Variants in CORO6 observed in about 807,000 individuals in gnomAD.
CORO6 encodes coronin-6.
Under a neutral mutation model 49.0 loss-of-function variants are expected in CORO6, and 43 were observed. The observed-to-expected ratio is 0.88, with a 90% CI of 0.69 to 1.13. CORO6 has a LOEUF of 1.13. CORO6 is among the 50% of genes most tolerant of loss of function. The pLI is 0.00. For missense variants in CORO6, 650 were observed against 647.0 expected (o/e 1.00, Z -0.05); for synonymous variants, 233 against 256.5 (o/e 0.91, Z 0.88).
intron 5 of CORO6, chr17:29,618,038 C>T: frequency 6.7e-7 from 1 of 1,485,274 alleles, no homozygotes; most frequent in Non-Finnish European, 8.9e-7. Context: ...CCCGGCGCGG[C>T]CTGGCCTACC....
At chr17:29,618,202 C>A (rs952004216) in intron 5 of CORO6, 2 of 1,327,698 alleles carry the variant, frequency 1.5e-6, no homozygotes, top group Admixed American at 3.8e-5. Flanking sequence ...AGCGCCCCGG[C>A]GCCAGCCCCG....
At chr17:29,619,453 T>C (rs2035194216) in intron 3 of CORO6, among the ~76,000 whole-genome samples, 198 bp downstream of exon 3, 1 of 151,876 alleles carries the variant, frequency 6.6e-6, no homozygotes, top group Admixed American at 6.5e-5. Context: ...AAGTTGGCCA[T>C]GGCTATAATT....
chr17:29,616,735 C>T lies in CORO6; in HGVS notation c.971G>A (p.Arg324Lys), dbSNP rs1426625483. 1.2e-6 allele frequency: 2 copies of T among 1,613,656 alleles called. No homozygotes were observed. The highest frequency in any genetic ancestry group is 1.3e-5 in the African/African-American group (1 of 74,926). ...PQRGMGFMPKRGLDVSKCEIA... is the reference protein window; with the variant it reads ...PQRGMGFMPKKGLDVSKCEIA... The stretch of plus-strand genomic sequence containing the variant: ...CTCACACTTGCTGACATCCAGTCCC[C>T]TTTTGGGCATGAAACCCATGCCCCG... The change falls in exon 8 of 11, where the codon AGG (arginine) becomes AAG (lysine). Residue 324 changes from arginine (R) to lysine (K), a missense_variant. Transcript: ENST00000388767. This position sits in a 1 kb window ranked among gnomAD's most constrained non-coding sequence, Gnocchi z 5.6.
At chr17:29,617,241 C>A in intron 6 of CORO6, 199 bp from the exon 7 acceptor site, 1 of 1,535,852 alleles carries the variant, frequency 6.5e-7, no homozygotes, top group Non-Finnish European at 8.7e-7. Context: ...TGCACATATA[C>A]CCGCTGCGCG....
chr17:29,619,647 C>T lies in CORO6; in HGVS notation c.321+4G>A. 1 of 1,613,274 alleles carries T rather than the reference C, an allele frequency of 6.2e-7. No homozygotes were observed. Among genetic ancestry groups the T allele is most frequent in the Admixed American group, 1.7e-5 (1 of 60,022 alleles). Reference sequence around the variant, plus strand: ...CTGCCCAGCAGTAGCCACCTGGCTCCTACCATGATGGTGGTGTCGTCTGAG... The same window carrying T: ...CTGCCCAGCAGTAGCCACCTGGCTCTTACCATGATGGTGGTGTCGTCTGAG... On this transcript the variant is annotated splice_donor_region_variant and intron_variant, in intron 3 of 10. Coordinates refer to ENST00000388767, the MANE Select transcript of CORO6 (RefSeq NM_032854.4).
In CORO6 at chr17:29,615,597, C is replaced by T; in HGVS notation, c.*135G>A. 1 of 968,430 alleles carries T rather than the reference C, an allele frequency of 1.0e-6. No homozygotes were observed. The highest frequency in any genetic ancestry group is 1.5e-6 in the Non-Finnish European group (1 of 683,942). The allele number at this position is 968,430 out of a possible 1,614,324, so 60.0% of individuals were successfully genotyped here. ...AAGCTCCAAGAGTTCTGGTCTCCCGCGAGGGGCGGAGTTCCCTCCCCAGTC... is the reference window on the plus strand; with the variant it reads ...AAGCTCCAAGAGTTCTGGTCTCCCGTGAGGGGCGGAGTTCCCTCCCCAGTC... On this transcript the variant is annotated 3_prime_UTR_variant, in exon 11 of 11. Coordinates refer to ENST00000388767, the MANE Select transcript of CORO6 (RefSeq NM_032854.4).
chr17:29,619,296 G>T, intron 3 of CORO6, 107 bp from the exon 4 acceptor site: 1 of 1,374,140 alleles, frequency 7.3e-7, no homozygotes, highest in Non-Finnish European at 1.0e-6. Context: ...TGAGTGGTAA[G>T]GGTCAAATAC....
Position 29,621,029 on chromosome 17 carries a change from T to A in CORO6, c.198+195A>T, listed in dbSNP as rs2035281443. ...AGGTGGGAGGGCTAGGGAGTGGGAG[T>A]AAGCCACCCTGATGTTAGGGTGGGG... On this transcript the variant is annotated intron_variant, in intron 2 of 10. Transcript: ENST00000388767. The surrounding 1 kb of genome is among the most constrained non-coding windows in gnomAD (Gnocchi z 4.2). Among the ~76,000 whole-genome samples the A allele has an allele frequency of 6.6e-6, 1 of 151,390 alleles. No homozygotes were observed. The highest frequency in any genetic ancestry group is 1.5e-5 in the Non-Finnish European group (1 of 67,834).
At position 29,621,005 on chromosome 17, in the gene CORO6, G is replaced by A. The variant is rs769109106; in HGVS notation, c.198+219C>T. ...CTGGGAATGGGGTGGTGCATGGAGAGGTGGGAGGGCTAGGGAGTGGGAGTA... is the reference window on the plus strand; with the variant it reads ...CTGGGAATGGGGTGGTGCATGGAGAAGTGGGAGGGCTAGGGAGTGGGAGTA... On this transcript the variant is annotated intron_variant, in intron 2 of 10. Coordinates refer to ENST00000388767, the MANE Select transcript of CORO6 (RefSeq NM_032854.4). The surrounding 1 kb of genome is among the most constrained non-coding windows in gnomAD (Gnocchi z 4.2). Among the ~76,000 whole-genome samples, 1 of 152,120 alleles carries A rather than the reference G, an allele frequency of 6.6e-6. No homozygotes were observed. The highest frequency in any genetic ancestry group is 6.5e-5 in the Admixed American group (1 of 15,284).
intron 2 of CORO6, among the ~76,000 whole-genome samples, chr17:29,620,915 C>A (rs948830888): frequency 1.3e-5 from 2 of 152,160 alleles, no homozygotes; most frequent in Non-Finnish European, 1.5e-5. Context: ...GTGATGGAAT[C>A]TGGCCAGGCT....
In CORO6 at chr17:29,621,403, G is replaced by C. The variant is rs777497701; in HGVS notation, c.19C>G (p.Arg7Gly). 6.2e-7 allele frequency: 1 copy of C among 1,611,262 alleles called. No homozygotes were observed. The highest frequency in any genetic ancestry group is 1.3e-5 in the African/African-American group (1 of 74,864). ...AACACATGGCGGAACTTGCTTTGCCGAACCACACGTCTGCTCATAGCTGCA... is the reference window on the plus strand; with the variant it reads ...AACACATGGCGGAACTTGCTTTGCCCAACCACACGTCTGCTCATAGCTGCA... MSRRVV[R>G]QSKFRHVFGQ... The change falls in exon 2 of 11, where the codon CGG becomes GGG. Residue 7 changes from arginine to glycine, a missense_variant. Transcript: ENST00000388767. The surrounding 1 kb of genome is among the most constrained non-coding windows in gnomAD (Gnocchi z 4.2).
chr17:29,617,732 C>A lies in CORO6; in HGVS notation c.634-113G>T. ...GGTGTCCGGGGTGGAGGAGCGGATG[C>A]GGGGAAGAGACAAATGGGGCCTAAG... On this transcript the variant is annotated intron_variant, in intron 5 of 10. Transcript: ENST00000388767. 9 of 1,184,480 alleles carry A rather than the reference C, an allele frequency of 7.6e-6. No individual in the cohort carries two copies. In the South Asian group the frequency reaches 1.4e-4, roughly 19 times the overall value. The allele number at this position is 1,184,480 out of a possible 1,614,324, so 73.4% of individuals were successfully genotyped here. A position where few individuals can be genotyped will look rare whatever the true frequency, so the allele number is the denominator to read the frequency against.
At chr17:29,619,432 C>G (rs1466176357) in intron 3 of CORO6, among the ~76,000 whole-genome samples, 1 of 152,132 alleles carries the variant, frequency 6.6e-6, no homozygotes, top group Non-Finnish European at 1.5e-5. Flanking sequence ...CCCTGCTGCT[C>G]TCCAGGCACC....
Position 29,616,023 on chromosome 17 carries a change from G to A in CORO6, c.1215C>T (p.Val405=). Residue 405 remains valine, a synonymous_variant, in exon 10 of 11, where the codon GTC becomes GTT. Transcript: ENST00000388767. The surrounding 1 kb of genome is among the most constrained non-coding windows in gnomAD (Gnocchi z 5.6). ...YVPPKHRELR[V]TKRNILDVRP... is the part of the protein sequence containing the mutation. Reference sequence around the variant, plus strand: ...GCACGTCCAGGATGTTGCGCTTCGTGACCCGGAGCTCGCGGTGCTTGGGGG... The same window carrying A: ...GCACGTCCAGGATGTTGCGCTTCGTAACCCGGAGCTCGCGGTGCTTGGGGG... 6.2e-7 allele frequency: 1 copy of A among 1,607,470 alleles called. No homozygotes were observed. Among genetic ancestry groups the A allele is most frequent in the Non-Finnish European group, 8.5e-7 (1 of 1,177,122 alleles).
Position 29,616,806 on chromosome 17 carries a change from C to A in CORO6, c.900G>T (p.Pro300=). The A allele has an allele frequency of 3.1e-6, 5 of 1,613,746 alleles. No homozygotes were observed. Among genetic ancestry groups the A allele is most frequent in the Non-Finnish European group, 4.2e-6 (5 of 1,179,918 alleles). ...SIRYFEITDE[P]PFVHYLNTFS... is the part of the protein sequence containing the mutation. ...ACGTGTTCAGGTAGTGCACGAAAGG[C>A]GGCTCGTCGGTAATCTCAAAGTACC... The change falls in exon 8 of 11, where the codon CCG becomes CCT. Residue 300 remains proline, a synonymous_variant. Coordinates refer to ENST00000388767, the MANE Select transcript of CORO6 (RefSeq NM_032854.4). This position sits in a 1 kb window ranked among gnomAD's most constrained non-coding sequence, Gnocchi z 5.6.
rs2035381111 is a variant in CORO6 at position 29,622,844 on chromosome 17, G to A, written c.-220C>T. On this transcript the variant is annotated 5_prime_UTR_variant, in exon 1 of 11. Coordinates refer to ENST00000388767, the MANE Select transcript of CORO6 (RefSeq NM_032854.4). Reference sequence around the variant, plus strand: ...GGGTGTCCAGCTCCGCACTCTGGCCGATCCTGCGGCTCTCTAGAGCCCGGC... The same window carrying A: ...GGGTGTCCAGCTCCGCACTCTGGCCAATCCTGCGGCTCTCTAGAGCCCGGC... 3.1e-6 allele frequency: 4 copies of A among 1,303,276 alleles called. No individual in the cohort carries two copies. The South Asian group carries it at 5.0e-5, about 16-fold the overall frequency. 80.7% of individuals were successfully genotyped at this position (1,303,276 alleles called of 1,614,324 possible).
In CORO6 at chr17:29,618,750, G is replaced by A. The variant is rs369836156; in HGVS notation, c.633+40C>T. The A allele has an allele frequency of 1.3e-4, 201 of 1,602,326 alleles. 1 individual carries two copies. The highest frequency in any genetic ancestry group is 1.1e-3 in the Middle Eastern group (6 of 5,406). On this transcript the variant is annotated intron_variant, in intron 5 of 10. Coordinates refer to ENST00000388767, the MANE Select transcript of CORO6 (RefSeq NM_032854.4). ...ACAAGGGTGCTGACAGCTGGCCACT[G>A]GTCAAGGGGTTCTGGGGAGTGGCCA... is the stretch of plus-strand genomic sequence containing the variant.
chr17:29,619,294 A>ACC (rs2035184739), intron 3 of CORO6, 105 bp from the exon 4 acceptor site: 1 of 1,389,772 alleles, frequency 7.2e-7, no homozygotes, highest in Non-Finnish European at 9.8e-7. Flanking sequence ...CTTGAGTGGT[A>ACC]AGGGTCAAAT....
intron 2 of CORO6, among the ~76,000 whole-genome samples, chr17:29,620,930 T>C (rs899368818): frequency 4.6e-5 from 7 of 152,168 alleles, no homozygotes; most frequent in African/African-American, 1.7e-4. Context: ...CAGGCTTGGC[T>C]GTGCTGTGTC....
Sources: gnomAD v4.1 joint callset for allele counts (sites outside exome capture counted in the v4.1 genomes callset) on GRCh38, gnomAD v4.1.1 for gene constraint, Gnocchi (gnomAD v3.1) non-coding constraint, MANE v1.5 for transcripts, NCBI Gene and HGNC (gene_info 2026-07-23, HGNC 2026-07-21) for gene names.